NRXN1: variants seen among roughly 807,000 people sequenced by gnomAD.
NRXN1 encodes neurexin-1.
NRXN1 carries 39 observed loss-of-function variants against 150.9 expected under a neutral mutation model. The observed-to-expected ratio is 0.26, with a 90% CI of 0.20 to 0.34. NRXN1 has a LOEUF of 0.34. Ranked by LOEUF, NRXN1 falls within the 10% of genes least tolerant of loss-of-function variation. The pLI is 1.00. For synonymous variants in NRXN1, 924 were observed against 757.0 expected, an observed-to-expected ratio of 1.22 and a Z score of -3.62; for missense variants, 1,815 against 1,949.9, an observed-to-expected ratio of 0.93 and a Z score of 1.30.
intron 5 of NRXN1, chr2:50,829,536 T>A: frequency 6.2e-7 from 1 of 1,610,680 alleles, no homozygotes; most frequent in Middle Eastern, 2.2e-4. Context: ...GATGGCCTTA[T>A]AAGGGATCTT....
chr2:50,847,189 A>G (rs2105957169), intron 5 of NRXN1, among the ~76,000 whole-genome samples: 1 of 152,284 alleles, frequency 6.6e-6, no homozygotes, highest in East Asian at 1.9e-4. Context: ...AGGGAAGGAG[A>G]AGGTCAGAGC....
chr2:50,650,213 C>G (rs1685409694), intron 5 of NRXN1, among the ~76,000 whole-genome samples: 1 of 152,024 alleles, frequency 6.6e-6, no homozygotes, highest in African/African-American at 2.4e-5. Context: ...GGGTAAGATC[C>G]TGAATAGGAG....
At chr2:50,281,044 C>G (rs1255068739) in intron 17 of NRXN1, among the ~76,000 whole-genome samples, 1 of 151,676 alleles carries the variant, frequency 6.6e-6, no homozygotes, top group Non-Finnish European at 1.5e-5. Flanking sequence ...GTGGCTCATG[C>G]CTGTAATCCC....
rs1310520411 is a variant in NRXN1 at position 50,237,174 on chromosome 2, A to T, written c.3365-204T>A. On this transcript the variant is annotated intron_variant, in intron 17 of 22. Coordinates refer to ENST00000401669, the MANE Select transcript of NRXN1 (RefSeq NM_001330078.2). Reference sequence around the variant, plus strand: ...GGAGAGGTAGCTCAGTTTTTAATACACTGATTCAATTTACCAGTAGGTGTT... The same window carrying T: ...GGAGAGGTAGCTCAGTTTTTAATACTCTGATTCAATTTACCAGTAGGTGTT... Among the ~76,000 whole-genome samples, 4 of 152,074 alleles carry T rather than the reference A, an allele frequency of 2.6e-5. No homozygotes were observed. The East Asian group carries it at 7.7e-4, about 29-fold the overall frequency.
At chr2:49,976,419 A>AGGACT (rs1038787815) in intron 21 of NRXN1, among the ~76,000 whole-genome samples, 1 of 152,182 alleles carries the variant, frequency 6.6e-6, no homozygotes, top group Non-Finnish European at 1.5e-5. Flanking sequence ...GTTCAAAGGT[A>AGGACT]GGACTGAGAC....
intron 17 of NRXN1, among the ~76,000 whole-genome samples, chr2:50,371,039 T>G (rs187679923): frequency 4.6e-5 from 7 of 152,172 alleles, no homozygotes; most frequent in African/African-American, 1.7e-4. Flanking sequence ...CATGTCAACA[T>G]GCACATGCAT....
chr2:50,859,146 T>C (rs1308991730), intron 5 of NRXN1, among the ~76,000 whole-genome samples: 1 of 151,986 alleles, frequency 6.6e-6, no homozygotes, highest in Non-Finnish European at 1.5e-5. Flanking sequence ...TTTTTTTTCC[T>C]TTATTTTTTC....
intron 17 of NRXN1, among the ~76,000 whole-genome samples, chr2:50,412,674 A>C (rs2083276018): frequency 6.6e-6 from 1 of 152,202 alleles, no homozygotes; most frequent in Non-Finnish European, 1.5e-5. Flanking sequence ...AATTATAAAA[A>C]ATTAAAGCAA....
intron 18 of NRXN1, among the ~76,000 whole-genome samples, chr2:50,118,975 G>C (rs1197834813): frequency 6.7e-6 from 1 of 148,462 alleles, no homozygotes; most frequent in Admixed American, 6.7e-5. Flanking sequence ...GTGTTAACCT[G>C]TCTTTTTTTT....
chr2:50,753,964 T>TTG (rs1554047726), intron 5 of NRXN1, among the ~76,000 whole-genome samples: 3,623 of 117,418 alleles, frequency 0.031, 120 homozygotes, highest in East Asian at 0.18. Flanking sequence ...GATTTTTTTT[T>TTG]GGGGGGGGGC....
intron 18 of NRXN1, among the ~76,000 whole-genome samples, chr2:50,149,450 G>C (rs2058570935): frequency 6.6e-6 from 1 of 151,690 alleles, no homozygotes; most frequent in Non-Finnish European, 1.5e-5. Context: ...TGCATACAAA[G>C]AGAAGCAAAT....
intron 15 of NRXN1, among the ~76,000 whole-genome samples, chr2:50,476,724 G>C (rs541259517): frequency 1.3e-5 from 2 of 152,130 alleles, no homozygotes; most frequent in African/African-American, 4.8e-5. Context: ...TTTTCTATTG[G>C]ATTTAGTTGA....
intron 5 of NRXN1, among the ~76,000 whole-genome samples, chr2:50,806,153 G>T (rs914601566): frequency 7.2e-5 from 11 of 152,224 alleles, no homozygotes; most frequent in African/African-American, 2.4e-4. Context: ...TAATGCAACA[G>T]CAGGCATACA....
At chr2:50,672,742 TAAAG>T (rs1689037808) in intron 5 of NRXN1, among the ~76,000 whole-genome samples, 2 of 152,164 alleles carry the variant, frequency 1.3e-5, no homozygotes, top group Admixed American at 1.3e-4. Flanking sequence ...TTATGATACT[TAAAG>T]AAAACTGATT....
chr2:50,138,237 T>A (rs1278278150), intron 18 of NRXN1, among the ~76,000 whole-genome samples: 1 of 152,178 alleles, frequency 6.6e-6, no homozygotes, highest in Non-Finnish European at 1.5e-5. Flanking sequence ...TTTAAACACA[T>A]TTATAAGTAT....
intron 21 of NRXN1, among the ~76,000 whole-genome samples, chr2:50,011,121 G>A (rs1356897497): frequency 6.6e-6 from 1 of 152,096 alleles, no homozygotes; most frequent in Non-Finnish European, 1.5e-5. Context: ...GATAAGTTCG[G>A]ACTAGGCTTT....
intron 5 of NRXN1, among the ~76,000 whole-genome samples, chr2:50,861,763 T>A (rs1490397023): frequency 6.6e-6 from 1 of 152,068 alleles, no homozygotes; most frequent in Non-Finnish European, 1.5e-5. Flanking sequence ...GAGCTGATAT[T>A]TTTTTCCTAC....
chr2:50,456,184 T>A (rs13390752), intron 17 of NRXN1, among the ~76,000 whole-genome samples: 10,392 of 152,186 alleles, frequency 0.068, 475 homozygotes, highest in Middle Eastern at 0.1. Flanking sequence ...CCCATTTTTT[T>A]AAATTCTTCT....
At chr2:50,414,857 T>C (rs1196474166) in intron 17 of NRXN1, among the ~76,000 whole-genome samples, 1 of 152,124 alleles carries the variant, frequency 6.6e-6, no homozygotes, top group Admixed American at 6.5e-5. Context: ...ACTGTAAAAA[T>C]TGAGAAGGGA....
Sources: allele counts gnomAD v4.1 joint callset (sites outside exome capture counted in the v4.1 genomes callset), GRCh38; gene constraint gnomAD v4.1.1; transcripts MANE v1.5; gene names NCBI Gene and HGNC (gene_info 2026-07-23, HGNC 2026-07-21).